PTCRA: variants seen among roughly 807,000 people sequenced by gnomAD.
The protein encoded by PTCRA is pre T-cell antigen receptor alpha.
PTCRA carries 9 observed loss-of-function variants against 13.4 expected under a neutral mutation model. That is an observed-to-expected ratio of 0.67 (90% confidence interval 0.41 to 1.18). PTCRA has a LOEUF of 1.18. Among genes scored for constraint, PTCRA ranks in the 50% most tolerant of loss-of-function variants. The probability of loss-of-function intolerance (pLI) is 0.01; values close to 1 mark genes in which losing one functional copy is unlikely to be tolerated. For synonymous variants in PTCRA, 153 were observed against 161.9 expected (o/e 0.94, Z 0.42); for missense variants, 353 against 359.8 (o/e 0.98, Z 0.15).
At position 42,925,324 on chromosome 6, in the gene PTCRA, T is replaced by TTGACCTGCTCC; in HGVS notation, c.497_507dup (p.Cys171Ter). ...CTGCTGCTCTTCAAGCTGCTGCTGT[T>TTGACCTGCTCC]TGACCTGCTCCTGACCTGCAGCTGC... is the stretch of plus-strand genomic sequence containing the variant. On this transcript the variant is annotated frameshift_variant, in exon 4 of 4. Transcript: ENST00000304672. LOFTEE classifies it low-confidence loss of function (END_TRUNC). This position sits in a 1 kb window ranked among gnomAD's most constrained non-coding sequence, Gnocchi z 4.4. 6.3e-7 allele frequency: 1 copy of TTGACCTGCTCC among 1,585,988 alleles called. No individual in the cohort carries two copies. The highest frequency in any genetic ancestry group is 8.5e-7 in the Non-Finnish European group (1 of 1,171,190).
intron 1 of PTCRA, among the ~76,000 whole-genome samples, chr6:42,922,558 C>T (rs1356154162): frequency 1.3e-5 from 2 of 151,844 alleles, no homozygotes; most frequent in African/African-American, 4.8e-5. Flanking sequence ...ACCATCCTGG[C>T]TAACACGTCT....
At position 42,925,314 on chromosome 6, in the gene PTCRA, C is replaced by G; in HGVS notation, c.478C>G (p.Leu160Val). 1 of 1,587,178 alleles carries G rather than the reference C, an allele frequency of 6.3e-7. No individual in the cohort carries two copies. Among genetic ancestry groups the G allele is most frequent in the Admixed American group, 1.7e-5 (1 of 57,844 alleles). ...LGVLRLLLFKLLLFDLLLTCS... is the reference protein window; with the variant it reads ...LGVLRLLLFKVLLFDLLLTCS... ...GGTCCTGCGGCTGCTGCTCTTCAAG[C>G]TGCTGCTGTTTGACCTGCTCCTGAC... Residue 160 changes from leucine to valine, a missense_variant, in exon 4 of 4, where the codon CTG becomes GTG. Transcript: ENST00000304672. The surrounding 1 kb of genome is among the most constrained non-coding windows in gnomAD (Gnocchi z 4.4).
Position 42,925,709 on chromosome 6 carries a change from A to G in PTCRA, c.*27A>G. 1 of 1,460,532 alleles carries G rather than the reference A, an allele frequency of 6.8e-7. No homozygotes were observed. The highest frequency in any genetic ancestry group is 1.4e-5 in the African/African-American group (1 of 70,628). 90.5% of individuals were successfully genotyped at this position (1,460,532 alleles called of 1,614,324 possible). On this transcript the variant is annotated 3_prime_UTR_variant, in exon 4 of 4. Coordinates refer to ENST00000304672, the MANE Select transcript of PTCRA (RefSeq NM_138296.3). The surrounding 1 kb of genome is among the most constrained non-coding windows in gnomAD (Gnocchi z 4.4). ...GGCAGGGCTCTACCTCCCCTGCGTC[A>G]CACTGTGTGAGGCTGTGTCTCTGCC...
At chr6:42,918,195 G>A (rs1359821288) in intron 1 of PTCRA, among the ~76,000 whole-genome samples, 1 of 148,850 alleles carries the variant, frequency 6.7e-6, no homozygotes, top group East Asian at 2.0e-4. Context: ...GGAGGAGGTT[G>A]CACTGAGCCA....
chr6:42,922,091 A>G (rs1280653100), intron 1 of PTCRA: 6 of 591,566 alleles, frequency 1.0e-5, no homozygotes, highest in African/African-American at 3.8e-5. Context: ...AATAAAAGAA[A>G]AAATACCCAA....
intron 1 of PTCRA, among the ~76,000 whole-genome samples, chr6:42,921,851 T>C (rs1255623395): frequency 1.3e-5 from 2 of 148,530 alleles, no homozygotes; most frequent in African/African-American, 5.0e-5. Flanking sequence ...CTGACCAACA[T>C]GGAGAAACCC....
intron 1 of PTCRA, 103 bp from the exon 2 acceptor site, chr6:42,922,924 G>A: frequency 1.9e-6 from 2 of 1,079,080 alleles, no homozygotes; most frequent in Non-Finnish European, 2.8e-6. Context: ...TGGAAGGATG[G>A]ATGGATGGAA....
At position 42,925,577 on chromosome 6, in the gene PTCRA, A is replaced by G; in HGVS notation, c.741A>G (p.Pro247=). Residue 247 remains proline (P), a synonymous_variant, in exon 4 of 4, where the codon CCA becomes CCG. Transcript: ENST00000304672. This position sits in a 1 kb window ranked among gnomAD's most constrained non-coding sequence, Gnocchi z 4.4. ...GSYLSSYPTC[P]AQAWCSRSAL... ...ACCTCAGCAGTTACCCCACTTGCCC[A>G]GCACAGGCCTGGTGCTCAAGATCTG... 1.2e-6 allele frequency: 2 copies of G among 1,602,556 alleles called. No individual in the cohort carries two copies. Among genetic ancestry groups the G allele is most frequent in the Admixed American group, 1.7e-5 (1 of 58,560 alleles).
chr6:42,923,643 A>G (rs1767297117), intron 2 of PTCRA, among the ~76,000 whole-genome samples: 1 of 152,212 alleles, frequency 6.6e-6, no homozygotes, highest in Non-Finnish European at 1.5e-5. Context: ...CCCTGTGTAC[A>G]TGACACCCTA....
chr6:42,925,322 G>A lies in PTCRA; in HGVS notation c.486G>A (p.Leu162=). The A allele has an allele frequency of 6.3e-7, 1 of 1,585,878 alleles. No individual in the cohort carries two copies. The highest frequency in any genetic ancestry group is 1.7e-5 in the Admixed American group (1 of 57,518). The change falls in exon 4 of 4, where the codon CTG becomes CTA. Residue 162 remains leucine (L), a synonymous_variant. Transcript: ENST00000304672. This position sits in a 1 kb window ranked among gnomAD's most constrained non-coding sequence, Gnocchi z 4.4. ...VLRLLLFKLL[L]FDLLLTCSCL... ...GGCTGCTGCTCTTCAAGCTGCTGCTGTTTGACCTGCTCCTGACCTGCAGCT... is the reference window on the plus strand; with the variant it reads ...GGCTGCTGCTCTTCAAGCTGCTGCTATTTGACCTGCTCCTGACCTGCAGCT...
intron 2 of PTCRA, among the ~76,000 whole-genome samples, chr6:42,923,840 C>G (rs1767303621): frequency 6.6e-6 from 1 of 152,226 alleles, no homozygotes; most frequent in South Asian, 2.1e-4. Context: ...TATTTTGAAA[C>G]AGTCAGCTAT....
At chr6:42,916,204 G>A (rs897021977) in intron 1 of PTCRA, 77 bp downstream of exon 1, 5 of 1,361,686 alleles carry the variant, frequency 3.7e-6, no homozygotes, top group East Asian at 2.3e-5. Flanking sequence ...GACCTCCCTG[G>A]GTACTGATGG....
chr6:42,919,337 T>C (rs1449154830), intron 1 of PTCRA, among the ~76,000 whole-genome samples: 2 of 152,076 alleles, frequency 1.3e-5, no homozygotes, highest in Admixed American at 1.3e-4. Flanking sequence ...CTAAGTACCC[T>C]TTACCCCTAC....
chr6:42,925,267 CG>C lies in PTCRA; in HGVS notation c.434del (p.Gly145ValfsTer23). 6.3e-7 allele frequency: 1 copy of C among 1,588,296 alleles called. No individual in the cohort carries two copies. Among genetic ancestry groups the C allele is most frequent in the Non-Finnish European group, 8.5e-7 (1 of 1,174,676 alleles). On this transcript the variant is annotated frameshift_variant, in exon 4 of 4. Coordinates refer to ENST00000304672, the MANE Select transcript of PTCRA (RefSeq NM_138296.3). LOFTEE classifies it low-confidence loss of function (END_TRUNC). This position sits in a 1 kb window ranked among gnomAD's most constrained non-coding sequence, Gnocchi z 4.4. ...TCPQEPLRGT[P>X]GGALWLGVLR... is the part of the protein sequence containing the mutation. ...GAGCGGTTCCTCCTCGCAGGGACAC[CG>C]GGTGGGGCGCTGTGGCTGGGGGTCC...
rs778856943 is a variant in PTCRA at position 42,925,222 on chromosome 6, G to A, written c.425-39G>A. On this transcript the variant is annotated intron_variant, in intron 3 of 3. Transcript: ENST00000304672. The surrounding 1 kb of genome is among the most constrained non-coding windows in gnomAD (Gnocchi z 4.4). ...CCGTTCTCTCCTGGGGTAGGGGGCT[G>A]CGGGCTCCTGCGGGCTCCTGAGCGG... is the stretch of plus-strand genomic sequence containing the variant. 6.4e-6 allele frequency: 10 copies of A among 1,552,612 alleles called. No individual in the cohort carries two copies. The highest frequency in any genetic ancestry group is 2.0e-4 in the Middle Eastern group (1 of 4,902).
At chr6:42,916,171 C>A in intron 1 of PTCRA, 44 bp downstream of exon 1, 1 of 1,586,148 alleles carries the variant, frequency 6.3e-7, no homozygotes, top group Non-Finnish European at 8.7e-7. Context: ...CCTCAGTCTG[C>A]CGAAGCCCAT....
chr6:42,918,533 C>A (rs1236557208), intron 1 of PTCRA, among the ~76,000 whole-genome samples: 1 of 151,884 alleles, frequency 6.6e-6, no homozygotes, highest in East Asian at 1.9e-4. Context: ...CCAGCCTGGG[C>A]AACAGAGTGA....
chr6:42,922,311 G>C, intron 1 of PTCRA: 1 of 697,438 alleles, frequency 1.4e-6, no homozygotes, highest in South Asian at 1.5e-5. Context: ...ATGGAACTGA[G>C]TTCCTTGAGA....
chr6:42,925,769 C>G lies in PTCRA; in HGVS notation c.*87C>G. 2.3e-6 allele frequency: 2 copies of G among 863,550 alleles called. No homozygotes were observed. Among genetic ancestry groups the G allele is most frequent in the Non-Finnish European group, 3.4e-6 (2 of 580,000 alleles). 53.5% of individuals were successfully genotyped at this position (863,550 alleles called of 1,614,324 possible). A position where few individuals can be genotyped will look rare whatever the true frequency, so the allele number is the denominator to read the frequency against. On this transcript the variant is annotated 3_prime_UTR_variant, in exon 4 of 4. Transcript: ENST00000304672. This position sits in a 1 kb window ranked among gnomAD's most constrained non-coding sequence, Gnocchi z 4.4. ...GGGGCCCCTTGAGAATGGTGATCCA[C>G]CCAGTTACAGGGGCATTTAGGGAGC...
Sources: allele counts gnomAD v4.1 joint callset (sites outside exome capture counted in the v4.1 genomes callset), GRCh38; gene constraint gnomAD v4.1.1; non-coding constraint Gnocchi (gnomAD v3.1); transcripts MANE v1.5; gene names NCBI Gene and HGNC (gene_info 2026-07-23, HGNC 2026-07-21).